The following GTF2A2 variants were observed in gnomAD, a reference collection of about 807,000 sequenced individuals.
GTF2A2 encodes the protein general transcription factor IIA subunit 2.
Under a neutral mutation model 14.3 loss-of-function variants are expected in GTF2A2, and 9 were observed. The ratio of observed to expected loss-of-function variants is 0.63; its 90% confidence interval spans 0.38 to 1.10. GTF2A2 has a LOEUF of 1.10. GTF2A2 is among the 50% of genes least tolerant of loss of function. The pLI is 0.01. For synonymous variants in GTF2A2, 56 were observed against 46.0 expected (o/e 1.22, Z -0.88); for missense variants, 90 against 124.6 (o/e 0.72, Z 1.32).
intron 1 of GTF2A2, among the ~76,000 whole-genome samples, chr15:59,656,172 A>C (rs1416487253): frequency 6.6e-6 from 1 of 152,002 alleles, no homozygotes; most frequent in African/African-American, 2.4e-5. Context: ...TCCACCCCCA[A>C]AACTCTTGCT....
Position 59,638,634 on chromosome 15 carries a change from T to C in GTF2A2, c.*498A>G, listed in dbSNP as rs917216164. On this transcript the variant is annotated 3_prime_UTR_variant, in exon 5 of 5. Coordinates refer to ENST00000396060, the MANE Select transcript of GTF2A2 (RefSeq NM_004492.3). ...TTGTACTTGGGTTTTTTTATACCAA[T>C]GATTAACTTTGGTTTTGTATTTTAA... 2 of 152,362 alleles carry C rather than the reference T, an allele frequency of 1.3e-5. No individual in the cohort carries two copies. Among genetic ancestry groups the C allele is most frequent in the Non-Finnish European group, 2.9e-5 (2 of 68,182 alleles). The allele number at this position is 152,362 out of a possible 1,614,324, so 9.4% of individuals were successfully genotyped here.
chr15:59,641,415 G>A (rs980694429), intron 4 of GTF2A2, among the ~76,000 whole-genome samples: 10 of 152,064 alleles, frequency 6.6e-5, no homozygotes, highest in African/African-American at 2.2e-4. Flanking sequence ...CTCAAACAGG[G>A]AAATGGAGGG....
chr15:59,640,867 G>A (rs1595666460), intron 4 of GTF2A2, among the ~76,000 whole-genome samples: 1 of 3,588 alleles, frequency 2.8e-4, no homozygotes, highest in Admixed American at 5.6e-3. Context: ...GTTCCTTGCT[G>A]TAATGACAAA....
In GTF2A2 at chr15:59,648,717, G is replaced by A. The variant is rs540964923; in HGVS notation, c.177+1952C>T. On this transcript the variant is annotated intron_variant, in intron 3 of 4. Coordinates refer to ENST00000396060, the MANE Select transcript of GTF2A2 (RefSeq NM_004492.3). The stretch of plus-strand genomic sequence containing the variant: ...TGGGAGGTCGAGGTGGGCAGATCAC[G>A]AGGTCAGGAGATAGAGACCATCCTG... 4.3e-4 allele frequency among the ~76,000 whole-genome samples: 65 copies of A among 152,090 alleles called. 2 individuals are homozygous for A. The Middle Eastern group carries it at 0.01, about 24-fold the overall frequency.
At chr15:59,640,143 A>G (rs1325673730) in intron 4 of GTF2A2, 3 of 98,528 alleles carry the variant, frequency 3.0e-5, no homozygotes, top group Non-Finnish European at 7.2e-5. Context: ...CAATCTTCTC[A>G]CTAAAGATCA....
intron 3 of GTF2A2, among the ~76,000 whole-genome samples, chr15:59,648,956 CAAA>C (rs1214670072): frequency 2.6e-4 from 40 of 151,580 alleles, no homozygotes; most frequent in African/African-American, 9.7e-4. Context: ...CAAAAACAAA[CAAA>C]AAAAACTATA....
In GTF2A2 at chr15:59,650,652, C is replaced by A. The variant is rs1204908475; in HGVS notation, c.177+17G>T. ...AACCATTGGTACAGGCTTCTAGATT[C>A]AGGAAAATATCCTTACCCTGAAATT... On this transcript the variant is annotated intron_variant, in intron 3 of 4. Transcript: ENST00000396060. 2 of 1,396,448 alleles carry A rather than the reference C, an allele frequency of 1.4e-6. No individual in the cohort carries two copies. The highest frequency in any genetic ancestry group is 1.4e-5 in the African/African-American group (1 of 70,656). 86.5% of individuals were successfully genotyped at this position (1,396,448 alleles called of 1,614,324 possible).
intron 4 of GTF2A2, among the ~76,000 whole-genome samples, chr15:59,640,530 G>GAGTTA (rs1184215552): frequency 3.9e-5 from 6 of 151,914 alleles, no homozygotes; most frequent in South Asian, 2.1e-4. Context: ...TTAAAACATT[G>GAGTTA]AGTTAAGTTC....
chr15:59,647,719 C>G (rs34797071), intron 3 of GTF2A2, among the ~76,000 whole-genome samples: 1 of 151,820 alleles, frequency 6.6e-6, no homozygotes, highest in Admixed American at 6.6e-5. Flanking sequence ...GCTGGGACTA[C>G]AGGCATGCAC....
chr15:59,638,996 T>C lies in GTF2A2; in HGVS notation c.*136A>G. 1.6e-6 allele frequency: 1 copy of C among 643,210 alleles called. No homozygotes were observed. The highest frequency in any genetic ancestry group is 2.8e-5 in the East Asian group (1 of 35,088). 39.8% of individuals were successfully genotyped at this position (643,210 alleles called of 1,614,324 possible). ...AAGAGGCTACAGAGTTACAAGTTTC[T>C]TTCTACTGGAATTCTCTGGTATAGC... On this transcript the variant is annotated 3_prime_UTR_variant, in exon 5 of 5. Coordinates refer to ENST00000396060, the MANE Select transcript of GTF2A2 (RefSeq NM_004492.3).
At chr15:59,651,344 A>G (rs1469284528) in intron 2 of GTF2A2, 1 of 152,218 alleles carries the variant, frequency 6.6e-6, no homozygotes, top group Non-Finnish European at 1.5e-5. Context: ...CACCCAGCTA[A>G]TTTTATATTT....
chr15:59,640,589 T>C lies in GTF2A2; in HGVS notation c.305-1432A>G, dbSNP rs144389681. 2.2e-3 allele frequency among the ~76,000 whole-genome samples: 329 copies of C among 152,326 alleles called. 2 individuals are homozygous for C. The highest frequency in any genetic ancestry group is 7.4e-3 in the African/African-American group (309 of 41,566). On this transcript the variant is annotated intron_variant, in intron 4 of 4. Transcript: ENST00000396060. ...CAAGTACAACAGCCATGAGTGGCTA[T>C]TGGAAAATGCAACAGAACATGTCCG...
At chr15:59,639,865 C>T (rs1266478501) in intron 4 of GTF2A2, among the ~76,000 whole-genome samples, 2 of 152,108 alleles carry the variant, frequency 1.3e-5, no homozygotes, top group Admixed American at 6.6e-5. Context: ...ATTGTCCTGC[C>T]TCAGCCTCCG....
At chr15:59,653,898 A>G (rs1891867122) in intron 1 of GTF2A2, among the ~76,000 whole-genome samples, 1 of 152,126 alleles carries the variant, frequency 6.6e-6, no homozygotes, top group South Asian at 2.1e-4. Flanking sequence ...GTCAAGAGTA[A>G]CTTCTCTTTT....
intron 4 of GTF2A2, 52 bp from the exon 5 acceptor site, chr15:59,639,209 TTTTACAA>T: frequency 9.1e-7 from 1 of 1,102,628 alleles, no homozygotes; most frequent in Non-Finnish European, 1.4e-6. Context: ...AGCAATTTAA[TTTTACAA>T]TTAACTATTT....
intron 4 of GTF2A2, chr15:59,640,181 G>GA (rs1891360719): frequency 2.4e-5 from 2 of 84,880 alleles, no homozygotes; most frequent in South Asian, 8.8e-4. Context: ...AAGTGTGAGG[G>GA]AAAATCCTCA....
intron 1 of GTF2A2, among the ~76,000 whole-genome samples, chr15:59,655,386 T>G (rs1231000656): frequency 6.6e-6 from 1 of 152,214 alleles, no homozygotes; most frequent in African/African-American, 2.4e-5. Context: ...AGGAAACAGG[T>G]TGGTGAAGGT....
intron 3 of GTF2A2, among the ~76,000 whole-genome samples, chr15:59,649,725 A>T (rs956879514): frequency 6.6e-6 from 1 of 152,162 alleles, no homozygotes; most frequent in South Asian, 2.1e-4. Flanking sequence ...CTTCACTAAA[A>T]TTTAAGTCAA....
chr15:59,654,928 G>A (rs536336098), intron 1 of GTF2A2, among the ~76,000 whole-genome samples: 1 of 152,278 alleles, frequency 6.6e-6, no homozygotes, highest in Non-Finnish European at 1.5e-5. Flanking sequence ...TTTCCTTTCA[G>A]TGTCATGTTG....
Sources: gnomAD v4.1 joint callset for allele counts (sites outside exome capture counted in the v4.1 genomes callset) on GRCh38, gnomAD v4.1.1 for gene constraint, MANE v1.5 for transcripts, NCBI Gene and HGNC (gene_info 2026-07-23, HGNC 2026-07-21) for gene names.